The following RGS5 variants were observed in gnomAD, a reference collection of about 807,000 sequenced individuals.
The protein encoded by RGS5 is regulator of G-protein signalling 5.
Under a neutral mutation model 18.9 loss-of-function variants are expected in RGS5, and 20 were observed. The observed-to-expected ratio is 1.06, with a 90% CI of 0.74 to 1.54. The LOEUF is 1.54. Among genes scored for constraint, RGS5 ranks in the 40% most tolerant of loss-of-function variants. The pLI is 0.00. For missense variants in RGS5, 201 were observed against 211.8 expected, an observed-to-expected ratio of 0.95 and a Z score of 0.32; for synonymous variants, 57 against 76.2, an observed-to-expected ratio of 0.75 and a Z score of 1.31.
intron 2 of RGS5, among the ~76,000 whole-genome samples, chr1:163,263,830 A>AT: frequency 6.6e-6 from 1 of 151,302 alleles, no homozygotes; most frequent in South Asian, 2.1e-4. Context: ...TGAACCATCC[A>AT]TTTTTTATGT....
intron 2 of RGS5, among the ~76,000 whole-genome samples, chr1:163,298,329 G>T (rs1026596148): frequency 6.6e-6 from 1 of 152,060 alleles, no homozygotes; most frequent in Non-Finnish European, 1.5e-5. Context: ...TCCTCTGAAG[G>T]TTCAATAATT....
At position 163,311,939 on chromosome 1, in the gene RGS5, AGTGAAGTGCAATAAAACAAGATAT is replaced by A. The variant is rs1571357369; in HGVS notation, c.-377-5634_-377-5611del. Reference sequence around the variant, plus strand: ...ATGCAGTATCTGCAAATCATAATGAAGTGAAGTGCAATAAAACAAGATATGTGAAGTGCAATAAAACAAGATATG... The same window carrying A: ...ATGCAGTATCTGCAAATCATAATGAAGTGAAGTGCAATAAAACAAGATATG... On this transcript the variant is annotated intron_variant, in intron 1 of 5. Transcript: ENST00000618415. Among the ~76,000 whole-genome samples the A allele has an allele frequency of 2.0e-5, 3 of 152,320 alleles. No individual in the cohort carries two copies. The East Asian group carries it at 5.8e-4, about 29-fold the overall frequency.
At chr1:163,218,959 G>A (rs1364880431), upstream of RGS5, among the ~76,000 whole-genome samples, 1 of 152,142 alleles carries the variant, frequency 6.6e-6, no homozygotes, top group Admixed American at 6.6e-5. Flanking sequence ...ATTGCGTGAG[G>A]GCCAGAGGGA....
At chr1:163,165,330 T>C (rs897437356) in intron 2 of RGS5, among the ~76,000 whole-genome samples, 8 of 152,194 alleles carry the variant, frequency 5.3e-5, no homozygotes, top group African/African-American at 1.7e-4. Flanking sequence ...ATTGCTGACA[T>C]AGGCAGGGGA....
chr1:163,310,361 C>A (rs543540040), intron 1 of RGS5, among the ~76,000 whole-genome samples: 26 of 152,126 alleles, frequency 1.7e-4, no homozygotes, highest in African/African-American at 6.0e-4. Flanking sequence ...CCGAAGCGGG[C>A]GGATCACGAG....
chr1:163,147,159 T>C lies in RGS5; in HGVS notation c.*183A>G, dbSNP rs1206016897. On this transcript the variant is annotated 3_prime_UTR_variant, in exon 5 of 5. Transcript: ENST00000313961. ...AGAATTGAGTGGGGAAAGAAGGCCT[T>C]CGGACAGTAGATAAGTATCCAAAGC... 2.1e-6 allele frequency: 1 copy of C among 472,394 alleles called. No homozygotes were observed. Among genetic ancestry groups the C allele is most frequent in the Non-Finnish European group, 3.6e-6 (1 of 281,238 alleles). 29.3% of individuals were successfully genotyped at this position (472,394 alleles called of 1,614,324 possible).
intron 1 of RGS5, among the ~76,000 whole-genome samples, chr1:163,181,262 T>G (rs577392886): frequency 1.3e-5 from 2 of 152,212 alleles, no homozygotes; most frequent in South Asian, 4.2e-4. Flanking sequence ...CACAACCACA[T>G]GTACACCTAC....
intron 1 of RGS5, among the ~76,000 whole-genome samples, chr1:163,214,710 T>G (rs1399377380): frequency 6.6e-6 from 1 of 152,188 alleles, no homozygotes; most frequent in Non-Finnish European, 1.5e-5. Context: ...CACCTTCTAT[T>G]TACTATTCAC....
chr1:163,262,834 T>C (rs978819184), intron 2 of RGS5, among the ~76,000 whole-genome samples: 3 of 152,150 alleles, frequency 2.0e-5, no homozygotes, highest in Non-Finnish European at 4.4e-5. Context: ...TTCCTGACTT[T>C]TTAATGAAAC....
upstream of RGS5, among the ~76,000 whole-genome samples, chr1:163,222,307 A>G (rs1305018646): frequency 6.6e-6 from 1 of 152,108 alleles, no homozygotes; most frequent in Non-Finnish European, 1.5e-5. Flanking sequence ...TGTGCATGCG[A>G]GGAATCTAGG....
At chr1:163,259,540 T>G (rs1364620269) in intron 2 of RGS5, among the ~76,000 whole-genome samples, 2 of 152,010 alleles carry the variant, frequency 1.3e-5, no homozygotes, top group African/African-American at 4.8e-5. Flanking sequence ...TACAGTATGG[T>G]ACACAATTTT....
At chr1:163,153,862 G>T (rs1033186710) in intron 3 of RGS5, among the ~76,000 whole-genome samples, 1 of 151,736 alleles carries the variant, frequency 6.6e-6, no homozygotes, top group African/African-American at 2.4e-5. Context: ...TCTAAACAAT[G>T]TATGGCTATA....
intron 1 of RGS5, among the ~76,000 whole-genome samples, chr1:163,208,926 C>T (rs1245578647): frequency 6.6e-6 from 1 of 152,066 alleles, no homozygotes; most frequent in African/African-American, 2.4e-5. Context: ...TACACACACA[C>T]TCACACGTAC....
At chr1:163,269,000 C>A (rs1174982290) in intron 2 of RGS5, among the ~76,000 whole-genome samples, 1 of 152,130 alleles carries the variant, frequency 6.6e-6, no homozygotes, top group African/African-American at 2.4e-5. Flanking sequence ...GATCGCTAGA[C>A]CTCTATGCTG....
At chr1:163,207,175 C>T (rs536069738), upstream of RGS5, among the ~76,000 whole-genome samples, 1 of 152,304 alleles carries the variant, frequency 6.6e-6, no homozygotes, top group Admixed American at 6.5e-5. Flanking sequence ...AGCATCGGTA[C>T]TAACATAGGA....
At chr1:163,229,910 C>T (rs1455930130) in intron 2 of RGS5, among the ~76,000 whole-genome samples, 1 of 145,582 alleles carries the variant, frequency 6.9e-6, no homozygotes, top group Non-Finnish European at 1.5e-5. Context: ...CTCCAGATAC[C>T]TGGCTCATAG....
chr1:163,168,555 A>C (rs1658160200), intron 1 of RGS5, among the ~76,000 whole-genome samples, 187 bp from the exon 2 acceptor site: 1 of 152,218 alleles, frequency 6.6e-6, no homozygotes, highest in Non-Finnish European at 1.5e-5. Context: ...GCATTTATCA[A>C]GCTCTTAGTA....
intron 2 of RGS5, among the ~76,000 whole-genome samples, chr1:163,254,336 T>C (rs201618805): frequency 0.065 from 9,901 of 151,906 alleles, 364 homozygotes; most frequent in Middle Eastern, 0.12. Context: ...TTTTAATGAT[T>C]GCCATTCTAA....
chr1:163,278,195 G>A (rs556487496), intron 2 of RGS5, among the ~76,000 whole-genome samples: 2 of 151,958 alleles, frequency 1.3e-5, no homozygotes, highest in Non-Finnish European at 2.9e-5. Context: ...ATCCAAAAAG[G>A]TCCTGTCTGA....
Sources: allele counts gnomAD v4.1 joint callset (sites outside exome capture counted in the v4.1 genomes callset), GRCh38; gene constraint gnomAD v4.1.1; transcripts MANE v1.5; gene names NCBI Gene and HGNC (gene_info 2026-07-23, HGNC 2026-07-21).